SELENOI: variants seen among roughly 807,000 people sequenced by gnomAD.
SELENOI encodes selenoprotein I.
A neutral mutation model predicts 50.7 loss-of-function variants in SELENOI; 24 were observed. The observed-to-expected ratio is 0.47, with a 90% CI of 0.34 to 0.67. SELENOI has a LOEUF of 0.67. Ranked by LOEUF, SELENOI falls within the 30% of genes least tolerant of loss-of-function variation. The pLI is 0.01. For missense variants in SELENOI, 352 were observed against 461.4 expected (o/e 0.76, Z 2.17); for synonymous variants, 155 against 170.2 (o/e 0.91, Z 0.70).
intron 1 of SELENOI, among the ~76,000 whole-genome samples, chr2:26,361,905 G>A (rs570957524): frequency 5.1e-4 from 78 of 151,978 alleles, no homozygotes; most frequent in Admixed American, 4.7e-3. Context: ...TGATCCGCCC[G>A]CCTCGGCCTC....
chr2:26,346,507 C>T (rs562897825), intron 1 of SELENOI: 1 of 510,670 alleles, frequency 2.0e-6, no homozygotes, highest in South Asian at 2.9e-5. Context: ...CGGGAGATTT[C>T]CTTTTCCTTA....
intron 4 of SELENOI, among the ~76,000 whole-genome samples, chr2:26,370,940 A>C (rs1413617535): frequency 5.4e-4 from 24 of 44,416 alleles, no homozygotes; most frequent in Non-Finnish European, 7.2e-4. Flanking sequence ...TGACCCCCCC[A>C]CCTCCCTCCC....
chr2:26,373,869 G>A (rs989131595), intron 5 of SELENOI, among the ~76,000 whole-genome samples: 1 of 152,088 alleles, frequency 6.6e-6, no homozygotes, highest in Admixed American at 6.5e-5. Context: ...CTGAGGCTGA[G>A]GCCTCCCGAG....
Position 26,375,041 on chromosome 2 carries a change from C to CT in SELENOI, c.576dup (p.Ile193TyrfsTer14). On this transcript the variant is annotated frameshift_variant and splice_region_variant, in exon 6 of 10. Coordinates refer to ENST00000260585, the MANE Select transcript of SELENOI (RefSeq NM_033505.4). LOFTEE classifies it high-confidence loss of function. Reference sequence around the variant, plus strand: ...CTTTTGTCTGCATTTTCCTTCCAGACTATTTCTTTTGTCTACATAGTGACT... The same window carrying CT: ...CTTTTGTCTGCATTTTCCTTCCAGACTTATTTCTTTTGTCTACATAGTGACT... 1 of 1,607,096 alleles carries CT rather than the reference C, an allele frequency of 6.2e-7. No individual in the cohort carries two copies. Among genetic ancestry groups the CT allele is most frequent in the Non-Finnish European group, 8.5e-7 (1 of 1,174,498 alleles).
rs915698255 is a variant in SELENOI at position 26,373,318 on chromosome 2, C to T, written c.311-49C>T. On this transcript the variant is annotated intron_variant, in intron 4 of 9. Transcript: ENST00000260585. ...CCAGTTTATTAAAGAAGACTTTCTC[C>T]ATCCTGGTGCATACGTTGAACTTTT... The T allele has an allele frequency of 5.8e-6, 9 of 1,548,424 alleles. 1 individual carries two copies. In the Admixed American group the frequency reaches 1.0e-4, roughly 18 times the overall value.
At chr2:26,361,612 C>G (rs1420733526) in intron 1 of SELENOI, among the ~76,000 whole-genome samples, 2 of 151,852 alleles carry the variant, frequency 1.3e-5, no homozygotes, top group East Asian at 3.9e-4. Flanking sequence ...TTTAGAGTTT[C>G]TACCTCTGGC....
intron 1 of SELENOI, among the ~76,000 whole-genome samples, chr2:26,361,888 C>A (rs2147948609): frequency 6.6e-6 from 1 of 152,276 alleles, no homozygotes; most frequent in South Asian, 2.1e-4. Flanking sequence ...GAACTCATGA[C>A]CTCAAATGAT....
chr2:26,362,195 G>A (rs1677192986), intron 1 of SELENOI, among the ~76,000 whole-genome samples: 2 of 151,780 alleles, frequency 1.3e-5, no homozygotes, highest in African/African-American at 2.4e-5. Context: ...TCAGCCTCCC[G>A]AGTAGCTAGG....
intron 1 of SELENOI, among the ~76,000 whole-genome samples, chr2:26,361,075 G>A (rs1050965369): frequency 3.9e-5 from 6 of 152,174 alleles, no homozygotes; most frequent in South Asian, 2.1e-4. Flanking sequence ...TTAGCTGGGC[G>A]TGGTGGTGGG....
At chr2:26,388,368 A>G (rs1677892252) in intron 9 of SELENOI, among the ~76,000 whole-genome samples, 1 of 152,236 alleles carries the variant, frequency 6.6e-6, no homozygotes, top group Non-Finnish European at 1.5e-5. Flanking sequence ...TGGAAAATAA[A>G]TAACACGCTA....
At chr2:26,355,981 A>G (rs375998788) in intron 1 of SELENOI, among the ~76,000 whole-genome samples, 24 of 152,182 alleles carry the variant, frequency 1.6e-4, no homozygotes, top group African/African-American at 5.8e-4. Flanking sequence ...GGTTCAAGCT[A>G]TCTGCCTATC....
intron 1 of SELENOI, among the ~76,000 whole-genome samples, chr2:26,363,175 G>T (rs1677218172): frequency 6.6e-6 from 1 of 152,170 alleles, no homozygotes; most frequent in African/African-American, 2.4e-5. Flanking sequence ...TAAAACATAT[G>T]TAATTATAAT....
At position 26,363,718 on chromosome 2, in the gene SELENOI, G is replaced by T. The variant is rs563392890; in HGVS notation, c.58-584G>T. ...GTTGCTATTCCAGTTTTGCTACTCAGATTAGGACATCATAAAAATAGGTGT... is the reference window on the plus strand; with the variant it reads ...GTTGCTATTCCAGTTTTGCTACTCATATTAGGACATCATAAAAATAGGTGT... On this transcript the variant is annotated intron_variant, in intron 1 of 9. Coordinates refer to ENST00000260585, the MANE Select transcript of SELENOI (RefSeq NM_033505.4). Among the ~76,000 whole-genome samples, 7 of 152,228 alleles carry T rather than the reference G, an allele frequency of 4.6e-5. No individual in the cohort carries two copies. In the South Asian group the frequency reaches 1.5e-3, roughly 32 times the overall value.
chr2:26,346,310 C>A, intron 1 of SELENOI, 21 bp downstream of exon 1: 1 of 1,601,368 alleles, frequency 6.2e-7, no homozygotes, highest in South Asian at 1.1e-5. Context: ...CCGGCGGATG[C>A]CCCTCTCCCT....
At chr2:26,380,220 G>T (rs900579457) in intron 6 of SELENOI, among the ~76,000 whole-genome samples, 5 of 152,098 alleles carry the variant, frequency 3.3e-5, no homozygotes, top group African/African-American at 9.7e-5. Flanking sequence ...AGCTTCTGTT[G>T]TTACCCAATC....
intron 5 of SELENOI, 50 bp from the exon 6 acceptor site, chr2:26,374,990 C>T (rs1251635387): frequency 7.7e-7 from 1 of 1,292,782 alleles, no homozygotes; most frequent in East Asian, 2.3e-5. Context: ...GACTCCTGAT[C>T]TTTCTAGCGT....
chr2:26,353,219 TA>T (rs907414546), intron 1 of SELENOI, among the ~76,000 whole-genome samples: 2 of 152,200 alleles, frequency 1.3e-5, no homozygotes, highest in East Asian at 3.9e-4. Context: ...TATAATTTTT[TA>T]AAAAAATACA....
In SELENOI at chr2:26,389,379, A is replaced by G; in HGVS notation, c.*276A>G. ...AATGGTTCTAACTTCGTGAGTTTAC[A>G]ATGTTGTGATTCATGCAGGGTTAAA... is the stretch of plus-strand genomic sequence containing the variant. On this transcript the variant is annotated 3_prime_UTR_variant, in exon 10 of 10. Coordinates refer to ENST00000260585, the MANE Select transcript of SELENOI (RefSeq NM_033505.4). The G allele has an allele frequency of 6.5e-6, 2 of 307,430 alleles. No homozygotes were observed. Among genetic ancestry groups the G allele is most frequent in the Non-Finnish European group, 6.1e-6 (1 of 164,062 alleles). 19.0% of individuals were successfully genotyped at this position (307,430 alleles called of 1,614,324 possible).
chr2:26,371,419 G>A, intron 4 of SELENOI, among the ~76,000 whole-genome samples: 1 of 152,128 alleles, frequency 6.6e-6, no homozygotes, highest in Non-Finnish European at 1.5e-5. Context: ...TAGATGTGAT[G>A]GCGGCCGGGA....
Sources: gnomAD v4.1 joint callset for allele counts (sites outside exome capture counted in the v4.1 genomes callset) on GRCh38, gnomAD v4.1.1 for gene constraint, MANE v1.5 for transcripts, NCBI Gene and HGNC (gene_info 2026-07-23, HGNC 2026-07-21) for gene names.